The following KIF19 variants were observed in gnomAD, a reference collection of about 807,000 sequenced individuals.
The protein encoded by KIF19 is kinesin-like protein KIF19.
In KIF19, 98 loss-of-function variants were observed where a neutral mutation model predicts 106.6. The ratio of observed to expected loss-of-function variants is 0.92; its 90% CI spans 0.78 to 1.09. The LOEUF (loss-of-function observed/expected upper bound fraction) is 1.09. KIF19 is among the 50% of genes least tolerant of loss of function. KIF19 has a pLI of 0.00. For synonymous variants in KIF19, 516 were observed against 584.2 expected (o/e 0.88, Z 1.68); for missense variants, 1,373 against 1,414.3 (o/e 0.97, Z 0.47).
rs1051657396 is a variant in KIF19 at position 74,342,457 on chromosome 17, C to A, written c.232-173C>A. Among the ~76,000 whole-genome samples, 10 of 152,224 alleles carry A rather than the reference C, an allele frequency of 6.6e-5. No individual in the cohort carries two copies. In the South Asian group the frequency reaches 1.2e-3, roughly 19 times the overall value. ...TGGGCTCTCTTTCAGCCTGACGTCC[C>A]CCACTGTGAGTGTAAGCAGAGACAT... On this transcript the variant is annotated intron_variant, in intron 3 of 19. Coordinates refer to ENST00000389916, the MANE Select transcript of KIF19 (RefSeq NM_153209.4).
At position 74,349,378 on chromosome 17, in the gene KIF19, G is replaced by T. The variant is rs930497370; in HGVS notation, c.1213+29G>T. ...CGCCTGTGGGTCTGTGTGAGTGGCA[G>T]CCCCCTCCGGCCAGCCTCACGTTGC... On this transcript the variant is annotated intron_variant, in intron 10 of 19. Coordinates refer to ENST00000389916, the MANE Select transcript of KIF19 (RefSeq NM_153209.4). The T allele has an allele frequency of 1.9e-6, 3 of 1,551,270 alleles. No homozygotes were observed. In the African/African-American group the frequency reaches 4.1e-5, roughly 21 times the overall value.
chr17:74,352,656 G>A (rs2054749058), intron 14 of KIF19, among the ~76,000 whole-genome samples, 165 bp from the exon 15 acceptor site: 1 of 152,150 alleles, frequency 6.6e-6, no homozygotes, highest in South Asian at 2.1e-4. Context: ...GGGAAGCCTA[G>A]CAGACCACAG....
Position 74,350,511 on chromosome 17 carries a change from G to A in KIF19, c.1324G>A (p.Glu442Lys). The A allele has an allele frequency of 6.2e-7, 1 of 1,612,820 alleles. No individual in the cohort carries two copies. The stretch of plus-strand genomic sequence containing the variant: ...GATGGATGTGCGGAGGCGCCTGCTG[G>A]AGCTGGAGAACCGCGCCATGGAGGT... ...EQMDVRRRLL[E>K]LENRAMEVQI... The change falls in exon 11 of 20, where the codon GAG (glutamate) becomes AAG (lysine). Residue 442 changes from glutamate to lysine, a missense_variant. Transcript: ENST00000389916.
intron 2 of KIF19, among the ~76,000 whole-genome samples, chr17:74,341,133 G>A (rs1408547614): frequency 3.3e-5 from 5 of 152,068 alleles, no homozygotes; most frequent in Admixed American, 3.3e-4. Context: ...TCAGGAGTTT[G>A]AGACCAGCCT....
rs377006607 is a variant in KIF19, at chr17:74,343,412, C to T, written c.456+252C>T. Among the ~76,000 whole-genome samples, 141 of 152,296 alleles carry T rather than the reference C, an allele frequency of 9.3e-4. 1 individual carries two copies. Among genetic ancestry groups the T allele is most frequent in the African/African-American group, 3.3e-3 (136 of 41,580 alleles). The stretch of plus-strand genomic sequence containing the variant: ...GCTCCGCCCTGTGCCACGCTCACCA[C>T]CTCACCATCCTCACAGGCCCATTCC... On this transcript the variant is annotated intron_variant, in intron 5 of 19. Transcript: ENST00000389916.
chr17:74,349,463 T>G, intron 10 of KIF19, 114 bp downstream of exon 10: 1 of 1,095,108 alleles, frequency 9.1e-7, no homozygotes, highest in South Asian at 1.7e-5. Flanking sequence ...GCTGGGTGGT[T>G]GAGCTAGGCA....
intron 17 of KIF19, 116 bp from the exon 18 acceptor site, chr17:74,354,046 A>G: frequency 8.5e-7 from 1 of 1,179,018 alleles, no homozygotes; most frequent in Admixed American, 2.4e-5. Context: ...AAACCCCTGG[A>G]AGTGCTAGGA....
chr17:74,328,538 C>A, intron 2 of KIF19, 33 bp downstream of exon 2: 1 of 1,562,588 alleles, frequency 6.4e-7, no homozygotes, highest in Non-Finnish European at 8.7e-7. Context: ...AGCTGCAGGG[C>A]AGAGGTCTGC....
chr17:74,328,451 C>T lies in KIF19; in HGVS notation c.66C>T (p.Ser22=), dbSNP rs147705520. 42 of 1,610,896 alleles carry T rather than the reference C, an allele frequency of 2.6e-5. No homozygotes were observed. The African/African-American group carries it at 4.1e-4, about 16-fold the overall frequency. Residue 22 remains serine, a synonymous_variant, in exon 2 of 20, where the codon AGC becomes AGT. Coordinates refer to ENST00000389916, the MANE Select transcript of KIF19 (RefSeq NM_153209.4). ...LMVALRVRPI[S]VAELEEGATL... is the part of the protein sequence containing the mutation. ...TGGCGCTTCGGGTCCGGCCCATCAG[C>T]GTGGCAGAGCTGGAGGAAGGAGCTA...
intron 17 of KIF19, 54 bp from the exon 18 acceptor site, chr17:74,354,108 G>T (rs1001003365): frequency 5.8e-6 from 9 of 1,545,838 alleles, no homozygotes; most frequent in Non-Finnish European, 6.1e-6. Flanking sequence ...TCAGAGGAGG[G>T]TGTTGAGAGG....
Position 74,354,406 on chromosome 17 carries a change from C to G in KIF19, c.2553C>G (p.Gly851=), listed in dbSNP as rs776457963. ...AGGACAACCTGTCCAGCAGCACGGG[C>G]GAGGCCCCGTCCCGGGCAGTCGGAC... The part of the protein sequence containing the change: ...ASEDNLSSST[G]EAPSRAVGHH... The change falls in exon 18 of 20, where the codon GGC becomes GGG. Residue 851 remains glycine (G), a synonymous_variant. Coordinates refer to ENST00000389916, the MANE Select transcript of KIF19 (RefSeq NM_153209.4). 3 of 1,610,730 alleles carry G rather than the reference C, an allele frequency of 1.9e-6. No homozygotes were observed. Among genetic ancestry groups the G allele is most frequent in the Non-Finnish European group, 1.7e-6 (2 of 1,179,162 alleles).
chr17:74,353,364 G>A, intron 16 of KIF19, 63 bp downstream of exon 16: 2 of 1,471,174 alleles, frequency 1.4e-6, no homozygotes, highest in Non-Finnish European at 1.9e-6. Context: ...ACATGGGGGT[G>A]GACAGCAGCA....
At chr17:74,337,379 G>A (rs1397264852) in intron 2 of KIF19, among the ~76,000 whole-genome samples, 1 of 152,092 alleles carries the variant, frequency 6.6e-6, no homozygotes, top group African/African-American at 2.4e-5. Flanking sequence ...TGCGTGTGCT[G>A]GCCTCTGTAG....
chr17:74,345,175 A>C (rs1339700911), intron 7 of KIF19, among the ~76,000 whole-genome samples: 1 of 151,840 alleles, frequency 6.6e-6, no homozygotes, highest in Non-Finnish European at 1.5e-5. Flanking sequence ...CGGGTTAAGG[A>C]AGTGAGGAAC....
In KIF19 at chr17:74,326,294, G is replaced by A. The variant is rs969370824; in HGVS notation, c.-56G>A. The A allele has an allele frequency of 1.6e-4, 253 of 1,554,418 alleles. No homozygotes were observed. Among genetic ancestry groups the A allele is most frequent in the Non-Finnish European group, 2.1e-4 (245 of 1,147,634 alleles). On this transcript the variant is annotated 5_prime_UTR_variant, in exon 1 of 20. Coordinates refer to ENST00000389916, the MANE Select transcript of KIF19 (RefSeq NM_153209.4). ...GCGGACGCGACCCGGAGGCGGTGGGGGTGCGGCTGAGCCATGCCCGGTGGC... is the reference window on the plus strand; with the variant it reads ...GCGGACGCGACCCGGAGGCGGTGGGAGTGCGGCTGAGCCATGCCCGGTGGC...
rs2054622045 is a variant in KIF19, at chr17:74,349,281, T to C, written c.1145T>C (p.Ile382Thr). The C allele has an allele frequency of 6.2e-7, 1 of 1,613,196 alleles. No homozygotes were observed. Among genetic ancestry groups the C allele is most frequent in the Non-Finnish European group, 8.5e-7 (1 of 1,179,716 alleles). The change falls in exon 10 of 20, where the codon ATT becomes ACT. Residue 382 changes from isoleucine (I) to threonine (T), a missense_variant. This residue lies in a region of KIF19 where 1,020 missense variants were observed against 1,008.2 expected (regional missense o/e 1.01). Coordinates refer to ENST00000389916, the MANE Select transcript of KIF19 (RefSeq NM_153209.4). Reference protein sequence around the residue: ...RGEIQRLKRKIDEQTGRGQAR... With the variant: ...RGEIQRLKRKTDEQTGRGQAR... Reference sequence around the variant, plus strand: ...GAGATCCAGCGACTCAAGCGCAAGATTGATGAGCAGACTGGGCGGGGCCAG... The same window carrying C: ...GAGATCCAGCGACTCAAGCGCAAGACTGATGAGCAGACTGGGCGGGGCCAG...
In KIF19 at chr17:74,352,148, CG is replaced by C. The variant is rs768809343; in HGVS notation, c.1858+12del. On this transcript the variant is annotated intron_variant, in intron 13 of 19. Coordinates refer to ENST00000389916, the MANE Select transcript of KIF19 (RefSeq NM_153209.4). ...GGCAGATCATCGACGGTAGGGCCCACGCCCCCGCGCATCTGAGCCACCCGCG... is the reference window on the plus strand; with the variant it reads ...GGCAGATCATCGACGGTAGGGCCCACCCCCCGCGCATCTGAGCCACCCGCG... The C allele has an allele frequency of 1.4e-4, 217 of 1,582,348 alleles. No individual in the cohort carries two copies. In the African/African-American group the frequency reaches 2.7e-3, roughly 19 times the overall value.
In KIF19 at chr17:74,354,361, A is replaced by G. The variant is rs777975716; in HGVS notation, c.2508A>G (p.Thr836=). Reference sequence around the variant, plus strand: ...CCTGCAAGCGGCCGCCCAGCCCCACACTACAGCATGCTGCCAGTGAGGACA... The same window carrying G: ...CCTGCAAGCGGCCGCCCAGCCCCACGCTACAGCATGCTGCCAGTGAGGACA... The part of the protein sequence containing the change: ...PLACKRPPSP[T]LQHAASEDNL... The change falls in exon 18 of 20, where the codon ACA becomes ACG. Residue 836 remains threonine, a synonymous_variant. Transcript: ENST00000389916. The G allele has an allele frequency of 3.1e-6, 5 of 1,607,166 alleles. No homozygotes were observed. Among genetic ancestry groups the G allele is most frequent in the Non-Finnish European group, 3.4e-6 (4 of 1,177,474 alleles).
intron 2 of KIF19, among the ~76,000 whole-genome samples, chr17:74,330,534 A>G (rs2054048868): frequency 6.6e-6 from 1 of 152,196 alleles, no homozygotes; most frequent in Non-Finnish European, 1.5e-5. Flanking sequence ...TCCCGAAGAC[A>G]TCAGGTCCTC....
Sources: gnomAD v4.1 joint callset for allele counts (sites outside exome capture counted in the v4.1 genomes callset) on GRCh38, gnomAD v4.1.1 for gene constraint, gnomAD v4.1.1 regional missense constraint, MANE v1.5 for transcripts, NCBI Gene and HGNC (gene_info 2026-07-23, HGNC 2026-07-21) for gene names.